Variants in BNC2 observed in about 807,000 individuals in gnomAD.
BNC2 encodes basonuclin zinc finger protein 2, also known as zinc finger protein basonuclin-2.
In BNC2, 20 loss-of-function variants were observed where a neutral mutation model predicts 76.3. The ratio of observed to expected loss-of-function variants is 0.26; its 90% CI spans 0.18 to 0.38. The LOEUF (loss-of-function observed/expected upper bound fraction) is 0.38. BNC2 is among the 10% of genes least tolerant of loss of function. The probability of loss-of-function intolerance (pLI) is 1.00; values close to 1 mark genes in which losing one functional copy is unlikely to be tolerated. For synonymous variants in BNC2, 582 were observed against 514.8 expected (o/e 1.13, Z -1.77); for missense variants, 1,382 against 1,399.8 (o/e 0.99, Z 0.20).
chr9:16,645,787 T>A (rs546870478), intron 3 of BNC2, among the ~76,000 whole-genome samples: 1 of 152,330 alleles, frequency 6.6e-6, no homozygotes, highest in East Asian at 1.9e-4. Context: ...TAATAAAGAA[T>A]AAGTATTATT....
chr9:16,695,859 A>C (rs1823323244), intron 3 of BNC2, among the ~76,000 whole-genome samples: 1 of 87,878 alleles, frequency 1.1e-5, no homozygotes, highest in Admixed American at 1.1e-4. Context: ...ATCTCGAGCT[A>C]AACAAGCAAA....
At chr9:16,440,429 G>A (rs763960886) in intron 5 of BNC2, among the ~76,000 whole-genome samples, 1 of 152,154 alleles carries the variant, frequency 6.6e-6, no homozygotes, top group Non-Finnish European at 1.5e-5. Context: ...TCTCTTGAGT[G>A]TTCTTTTACA....
At chr9:16,673,153 T>C in intron 3 of BNC2, among the ~76,000 whole-genome samples, 1 of 152,138 alleles carries the variant, frequency 6.6e-6, no homozygotes, top group East Asian at 1.9e-4. Context: ...AGACATAGAC[T>C]TATATGACTA....
chr9:16,505,023 T>C (rs776326033), intron 5 of BNC2, among the ~76,000 whole-genome samples: 18 of 152,374 alleles, frequency 1.2e-4, no homozygotes, highest in Non-Finnish European at 1.6e-4. Context: ...GAAACACAAC[T>C]ATCTGCCACT....
At chr9:16,851,643 C>A (rs1042629135) in intron 1 of BNC2, among the ~76,000 whole-genome samples, 1 of 152,158 alleles carries the variant, frequency 6.6e-6, no homozygotes, top group African/African-American at 2.4e-5. Context: ...GCAATGAATT[C>A]TATGGTATGC....
intron 3 of BNC2, among the ~76,000 whole-genome samples, chr9:16,708,091 C>A (rs1294957827): frequency 6.6e-6 from 1 of 152,084 alleles, no homozygotes; most frequent in Non-Finnish European, 1.5e-5. Context: ...CAATACAGAA[C>A]CTGCTGAAGA....
chr9:16,518,611 T>G (rs200396595), intron 5 of BNC2, among the ~76,000 whole-genome samples: 1 of 127,126 alleles, frequency 7.9e-6, no homozygotes, highest in South Asian at 3.1e-4. Flanking sequence ...TTTGTTTGTT[T>G]TTTGTTTTTT....
intron 5 of BNC2, among the ~76,000 whole-genome samples, chr9:16,471,718 G>T (rs1436339117): frequency 6.6e-6 from 1 of 152,156 alleles, no homozygotes; most frequent in Non-Finnish European, 1.5e-5. Flanking sequence ...TGCTGGGAAG[G>T]CATGACTGGT....
intron 3 of BNC2, among the ~76,000 whole-genome samples, chr9:16,586,791 A>C (rs1028587503): frequency 5.9e-5 from 9 of 152,184 alleles, no homozygotes; most frequent in African/African-American, 2.2e-4. Context: ...CCTGTGATCA[A>C]GGACTTGATA....
At chr9:16,864,920 G>A (rs947046849) in intron 1 of BNC2, among the ~76,000 whole-genome samples, 1 of 151,712 alleles carries the variant, frequency 6.6e-6, no homozygotes, top group Non-Finnish European at 1.5e-5. Context: ...CAGACACTGA[G>A]CAGAGATCCT....
At chr9:16,456,906 G>T (rs2131159946) in intron 5 of BNC2, among the ~76,000 whole-genome samples, 1 of 152,178 alleles carries the variant, frequency 6.6e-6, no homozygotes, top group Non-Finnish European at 1.5e-5. Flanking sequence ...TTCCATATGA[G>T]GGTCAACTGT....
chr9:16,663,049 A>G (rs1822156114), intron 3 of BNC2, among the ~76,000 whole-genome samples: 1 of 150,038 alleles, frequency 6.7e-6, no homozygotes, highest in Admixed American at 6.7e-5. Context: ...CAGCCAAGTG[A>G]TTTCATCAAT....
intron 1 of BNC2, among the ~76,000 whole-genome samples, chr9:16,740,091 G>A (rs1028508609): frequency 1.3e-5 from 2 of 152,192 alleles, no homozygotes; most frequent in African/African-American, 4.8e-5. Context: ...AAGGAACAGC[G>A]TTAACAGGAG....
chr9:16,790,091 C>G (rs928676482), intron 1 of BNC2, among the ~76,000 whole-genome samples: 4 of 152,168 alleles, frequency 2.6e-5, no homozygotes, highest in Admixed American at 2.0e-4. Context: ...GCTCCGCCTC[C>G]CAGGTTTATG....
chr9:16,434,163 T>C (rs1003660265), intron 6 of BNC2, among the ~76,000 whole-genome samples: 8 of 152,176 alleles, frequency 5.3e-5, no homozygotes, highest in African/African-American at 1.9e-4. Context: ...TATAAGAAAG[T>C]TACTTATTTT....
intron 1 of BNC2, among the ~76,000 whole-genome samples, chr9:16,819,245 G>A (rs541696729): frequency 3.2e-4 from 49 of 152,298 alleles, no homozygotes; most frequent in African/African-American, 8.7e-4. Flanking sequence ...ATAAGATTAT[G>A]GTGTATCCAT....
At chr9:16,755,538 C>A (rs1310631846) in intron 1 of BNC2, among the ~76,000 whole-genome samples, 3 of 152,128 alleles carry the variant, frequency 2.0e-5, no homozygotes, top group Non-Finnish European at 4.4e-5. Context: ...GATGACCCCC[C>A]CATCCTTTCT....
intron 1 of BNC2, among the ~76,000 whole-genome samples, chr9:16,857,493 A>G (rs1439639688): frequency 6.6e-6 from 1 of 151,470 alleles, no homozygotes; most frequent in East Asian, 1.9e-4. Flanking sequence ...AAAAAAAAAA[A>G]AAAAAAAAAA....
Position 16,436,061 on chromosome 9 carries a change from C to T in BNC2, c.2133G>A (p.Met711Ile). ...GCTCAGGTTCTTGGTCTTCAGAAGT[C>T]ATGCTGTCGGCCCTCCTTATTTCAG... The part of the protein sequence containing the change: ...SRTEIRRADS[M>I]TSEDQEPERD... The change falls in exon 6 of 7, where the codon ATG becomes ATA. Residue 711 changes from methionine (M) to isoleucine (I), a missense_variant. Met to Ile is a conservative substitution (Grantham distance 10). Coordinates refer to ENST00000380672, the MANE Select transcript of BNC2 (RefSeq NM_017637.6). 1 of 1,614,178 alleles carries T rather than the reference C, an allele frequency of 6.2e-7. No individual in the cohort carries two copies. The highest frequency in any genetic ancestry group is 1.1e-5 in the South Asian group (1 of 91,074).
Sources: allele counts gnomAD v4.1 joint callset (sites outside exome capture counted in the v4.1 genomes callset), GRCh38; gene constraint gnomAD v4.1.1; transcripts MANE v1.5; gene names NCBI Gene and HGNC (gene_info 2026-07-23, HGNC 2026-07-21).